MTUS2: variants seen among roughly 807,000 people sequenced by gnomAD.
The protein encoded by MTUS2 is microtubule-associated tumor suppressor candidate 2.
Under a neutral mutation model 114.1 loss-of-function variants are expected in MTUS2, and 40 were observed. That is an observed-to-expected ratio of 0.35 (90% CI 0.27 to 0.46). The LOEUF is 0.46. Among genes scored for constraint, MTUS2 ranks in the 20% least tolerant of loss-of-function variants. MTUS2 has a pLI of 1.00. For missense variants in MTUS2, 1,679 were observed against 1,705.4 expected, an observed-to-expected ratio of 0.98 and a Z score of 0.27; for synonymous variants, 688 against 672.0, an observed-to-expected ratio of 1.02 and a Z score of -0.37.
intron 8 of MTUS2, among the ~76,000 whole-genome samples, chr13:29,376,247 G>A (rs575166119): frequency 4.6e-5 from 7 of 152,234 alleles, no homozygotes; most frequent in East Asian, 1.9e-4. Context: ...GAGGTTGCAC[G>A]TAGATATGAT....
intron 5 of MTUS2, among the ~76,000 whole-genome samples, chr13:29,190,566 G>C (rs1319824793): frequency 6.6e-6 from 1 of 152,226 alleles, no homozygotes; most frequent in Non-Finnish European, 1.5e-5. Flanking sequence ...TGGCAGTGAT[G>C]CCCAGGGAAG....
intron 2 of MTUS2, among the ~76,000 whole-genome samples, chr13:28,976,736 A>G (rs1361777424): frequency 1.3e-5 from 2 of 152,214 alleles, no homozygotes; most frequent in Non-Finnish European, 2.9e-5. Flanking sequence ...GAATGATTAT[A>G]TTATATGTAT....
intron 6 of MTUS2, among the ~76,000 whole-genome samples, chr13:29,318,954 C>T (rs1401304398): frequency 6.6e-6 from 1 of 152,154 alleles, no homozygotes; most frequent in African/African-American, 2.4e-5. Flanking sequence ...AAGGGCTTCT[C>T]TTCTGAGACC....
At chr13:28,831,610 A>G (rs1480485998) in intron 1 of MTUS2, among the ~76,000 whole-genome samples, 4 of 152,200 alleles carry the variant, frequency 2.6e-5, no homozygotes, top group Non-Finnish European at 4.4e-5. Flanking sequence ...ATGAGCATGC[A>G]TGTATTTAAC....
chr13:29,401,301 G>T (rs1311985452), intron 8 of MTUS2, among the ~76,000 whole-genome samples: 1 of 152,120 alleles, frequency 6.6e-6, no homozygotes, highest in Non-Finnish European at 1.5e-5. Context: ...ACCATGCCCG[G>T]CCACAAATAT....
At chr13:29,344,379 C>A (rs1189497580) in intron 7 of MTUS2, among the ~76,000 whole-genome samples, 1 of 152,062 alleles carries the variant, frequency 6.6e-6, no homozygotes, top group African/African-American at 2.4e-5. Context: ...TCCTGTTGGA[C>A]TAGTCCTTTT....
intron 6 of MTUS2, among the ~76,000 whole-genome samples, chr13:29,304,001 G>C (rs1156952755): frequency 1.3e-5 from 2 of 152,190 alleles, no homozygotes; most frequent in African/African-American, 4.8e-5. Flanking sequence ...TTAAAGAAAA[G>C]AATGTCCAAC....
rs71190801 is a variant in MTUS2 at position 29,297,876 on chromosome 13, T to TACACAC, written c.2806+16021_2806+16026dup. Among the ~76,000 whole-genome samples the TACACAC allele has an allele frequency of 3.4e-3, 514 of 151,470 alleles. 2 individuals carry two copies. Among genetic ancestry groups the TACACAC allele is most frequent in the African/African-American group, 0.011 (436 of 41,374 alleles). On this transcript the variant is annotated intron_variant, in intron 6 of 15. Transcript: ENST00000612955. Reference sequence around the variant, plus strand: ...GCTAATGAGTATATGTGTACACACATACACACACACACACAAAACATGCTA... The same window carrying TACACAC: ...GCTAATGAGTATATGTGTACACACATACACACACACACACACACACAAAACATGCTA...
chr13:29,050,601 C>T (rs972135283), intron 4 of MTUS2, among the ~76,000 whole-genome samples: 8 of 152,188 alleles, frequency 5.3e-5, no homozygotes, highest in Non-Finnish European at 1.0e-4. Context: ...TTACCCCCCT[C>T]TTCACACCCA....
chr13:29,329,242 A>G (rs905981935), intron 7 of MTUS2, among the ~76,000 whole-genome samples: 3 of 152,000 alleles, frequency 2.0e-5, no homozygotes, highest in Non-Finnish European at 4.4e-5. Flanking sequence ...TGAACCCATT[A>G]CCTGCATTAG....
chr13:28,879,346 A>G (rs3001942), intron 2 of MTUS2, among the ~76,000 whole-genome samples: 36,642 of 152,082 alleles, frequency 0.24, 6,863 homozygotes, highest in African/African-American at 0.52. Flanking sequence ...AACTCAAGTG[A>G]GAATGACCTT....
At chr13:29,212,567 G>T (rs377294666) in intron 5 of MTUS2, among the ~76,000 whole-genome samples, 2 of 152,330 alleles carry the variant, frequency 1.3e-5, no homozygotes, top group East Asian at 3.9e-4. Flanking sequence ...ACTTCTGTCT[G>T]ACTTGGCTAC....
chr13:29,357,958 G>T (rs1229756692), intron 7 of MTUS2, among the ~76,000 whole-genome samples: 1 of 152,088 alleles, frequency 6.6e-6, no homozygotes, highest in African/African-American at 2.4e-5. Flanking sequence ...CCATTACTCT[G>T]CATTGTCTCA....
intron 4 of MTUS2, among the ~76,000 whole-genome samples, chr13:29,052,975 C>T (rs1361613079): frequency 6.6e-6 from 1 of 152,204 alleles, no homozygotes; most frequent in African/African-American, 2.4e-5. Context: ...ATTCTCTCTC[C>T]TGCTGCTCTG....
intron 2 of MTUS2, among the ~76,000 whole-genome samples, chr13:28,946,122 A>G (rs1170991028): frequency 6.6e-6 from 1 of 152,220 alleles, no homozygotes; most frequent in African/African-American, 2.4e-5. Context: ...AGTATTAGCT[A>G]TAGGAAAAAG....
chr13:29,126,162 T>C (rs1165009576), intron 5 of MTUS2, among the ~76,000 whole-genome samples: 3 of 152,178 alleles, frequency 2.0e-5, no homozygotes, highest in African/African-American at 7.2e-5. Context: ...TCCTCATACC[T>C]GCACTTCCTC....
intron 8 of MTUS2, among the ~76,000 whole-genome samples, chr13:29,409,685 A>T (rs1875069217): frequency 6.6e-6 from 1 of 152,294 alleles, no homozygotes; most frequent in East Asian, 1.9e-4. Flanking sequence ...TCTTTCTTAC[A>T]CAAAAGATAG....
chr13:29,397,419 C>G (rs1375593743), intron 8 of MTUS2, among the ~76,000 whole-genome samples: 1 of 152,180 alleles, frequency 6.6e-6, no homozygotes, highest in Admixed American at 6.5e-5. Flanking sequence ...CTTCTTATCT[C>G]ATTCCCCCCA....
At chr13:29,265,550 G>A (rs899189946) in intron 5 of MTUS2, among the ~76,000 whole-genome samples, 2 of 152,128 alleles carry the variant, frequency 1.3e-5, no homozygotes, top group East Asian at 3.9e-4. Context: ...AAGAAATACT[G>A]GAGACTGGGT....
Sources: gnomAD v4.1 joint callset for allele counts (sites outside exome capture counted in the v4.1 genomes callset) on GRCh38, gnomAD v4.1.1 for gene constraint, MANE v1.5 for transcripts, NCBI Gene and HGNC (gene_info 2026-07-23, HGNC 2026-07-21) for gene names.